The following CRACR2A variants were observed in gnomAD, a reference collection of about 807,000 sequenced individuals.
The protein encoded by CRACR2A is EF-hand calcium-binding domain-containing protein 4B.
A neutral mutation model predicts 90.5 loss-of-function variants in CRACR2A; 79 were observed. The observed-to-expected ratio is 0.87, with a 90% confidence interval of 0.73 to 1.05. CRACR2A has a LOEUF of 1.05. CRACR2A is among the 50% of genes least tolerant of loss of function. The probability of loss-of-function intolerance (pLI) is 0.00; values close to 1 mark genes in which losing one functional copy is unlikely to be tolerated. For synonymous variants in CRACR2A, 338 were observed against 356.7 expected (o/e 0.95, Z 0.59); for missense variants, 823 against 897.2 (o/e 0.92, Z 1.06).
chr12:3,684,418 T>C (rs1945516455), intron 4 of CRACR2A, among the ~76,000 whole-genome samples: 1 of 152,114 alleles, frequency 6.6e-6, no homozygotes, highest in Non-Finnish European at 1.5e-5. Context: ...CATTTTGGAA[T>C]GGACAATTTT....
intron 7 of CRACR2A, chr12:3,672,874 C>A (rs184311357): frequency 2.2e-6 from 2 of 907,434 alleles, no homozygotes; most frequent in South Asian, 5.0e-5. Flanking sequence ...GACATGAGGC[C>A]GTGACGGGAG....
At chr12:3,752,358 ACACACACACACAGACACACACACACACGG>A (rs1946721553) in intron 1 of CRACR2A, among the ~76,000 whole-genome samples, 1 of 31,030 alleles carries the variant, frequency 3.2e-5, no homozygotes, top group South Asian at 1.5e-3. Context: ...ACACACACGG[ACACACACACACAGACACACACACACACGG>A]ACACACACAC....
intron 4 of CRACR2A, among the ~76,000 whole-genome samples, chr12:3,692,037 T>C (rs796393568): frequency 4.8e-4 from 73 of 152,362 alleles, no homozygotes; most frequent in African/African-American, 1.6e-3. Flanking sequence ...ATTTTGTCTG[T>C]CAGCTGCTAT....
chr12:3,674,438 T>G (rs531712605), intron 6 of CRACR2A, among the ~76,000 whole-genome samples: 2 of 152,192 alleles, frequency 1.3e-5, no homozygotes, highest in African/African-American at 4.8e-5. Flanking sequence ...ACACACATGG[T>G]GGACCCTGTT....
At chr12:3,640,425 T>C (rs1944543405) in intron 13 of CRACR2A, 2 of 886,058 alleles carry the variant, frequency 2.3e-6, no homozygotes, top group Non-Finnish European at 3.0e-6. Flanking sequence ...AGATTAATGG[T>C]AGGACCTCAT....
At position 3,633,404 on chromosome 12, in the gene CRACR2A, G is replaced by A. The variant is rs1944407842; in HGVS notation, c.1735+200C>T. ...TCCCATCACACACAGGATGAGCTTAGCAGCTAGCAGCGTGAGGGGAGGTGG... is the reference window on the plus strand; with the variant it reads ...TCCCATCACACACAGGATGAGCTTAACAGCTAGCAGCGTGAGGGGAGGTGG... On this transcript the variant is annotated intron_variant, in intron 15 of 19. Transcript: ENST00000440314. The surrounding 1 kb of genome is among the most constrained non-coding windows in gnomAD (Gnocchi z 4.5). 6.6e-6 allele frequency among the ~76,000 whole-genome samples: 1 copy of A among 152,164 alleles called. No homozygotes were observed.
chr12:3,643,870 T>TTATATATTA (rs1944630332), intron 12 of CRACR2A, among the ~76,000 whole-genome samples: 1 of 44,904 alleles, frequency 2.2e-5, no homozygotes, highest in Non-Finnish European at 4.1e-5. Context: ...ATTATATATA[T>TTATATATTA]TATATATATT....
At chr12:3,663,342 A>G (rs1030857177) in intron 7 of CRACR2A, among the ~76,000 whole-genome samples, 1 of 152,078 alleles carries the variant, frequency 6.6e-6, no homozygotes, top group African/African-American at 2.4e-5. Context: ...AATTCTTGCG[A>G]CAATACCACG....
At chr12:3,745,825 T>TAAAATAAAATAAAAAATAAAG in intron 1 of CRACR2A, among the ~76,000 whole-genome samples, 1 of 100,534 alleles carries the variant, frequency 9.9e-6, no homozygotes, top group South Asian at 3.6e-4. Context: ...TAAAATAAAA[T>TAAAATAAAATAAAAAATAAAG]AAAGAAAGAA....
intron 1 of CRACR2A, 94 bp downstream of exon 1, chr12:3,752,921 G>A (rs1355534728): frequency 7.9e-5 from 12 of 152,388 alleles, no homozygotes; most frequent in Non-Finnish European, 1.6e-4. Flanking sequence ...ATGTGCGGCA[G>A]ACACGCGCTC....
chr12:3,617,059 G>C, intron 18 of CRACR2A, 29 bp from the exon 19 acceptor site: 1 of 1,512,582 alleles, frequency 6.6e-7, no homozygotes. Context: ...GCGAATACAA[G>C]AGTATTGGAG....
intron 1 of CRACR2A, among the ~76,000 whole-genome samples, chr12:3,750,028 C>T (rs1369395113): frequency 6.6e-6 from 1 of 151,872 alleles, no homozygotes; most frequent in African/African-American, 2.4e-5. Flanking sequence ...ACACCGCCTC[C>T]CGGGTTCAAC....
chr12:3,709,500 G>A (rs1392857460), intron 3 of CRACR2A, among the ~76,000 whole-genome samples: 3 of 152,220 alleles, frequency 2.0e-5, no homozygotes, highest in East Asian at 3.8e-4. Context: ...GTTTCTGGCT[G>A]GGCGCAGTGG....
Position 3,673,515 on chromosome 12 carries a change from A to C in CRACR2A, c.602T>G (p.Leu201Arg). 1 of 1,614,180 alleles carries C rather than the reference A, an allele frequency of 6.2e-7. No homozygotes were observed. The change falls in exon 7 of 20, where the codon CTG (leucine) becomes CGG (arginine). Residue 201 changes from leucine to arginine, a missense_variant. Transcript: ENST00000440314. Reference protein sequence around the residue: ...PHLLSNFEDFLTRIISQLQEA... With the variant: ...PHLLSNFEDFRTRIISQLQEA... ...TTGGAGCTGGGAGATGATTCTGGTC[A>C]GGAAGTCTTCAAAGTTGGACAGTAA...
At chr12:3,621,464 CA>C (rs2137279194) in intron 17 of CRACR2A, among the ~76,000 whole-genome samples, 1 of 148,628 alleles carries the variant, frequency 6.7e-6, no homozygotes, top group Admixed American at 6.7e-5. Context: ...CCAGCCTGGC[CA>C]AGATGGTGAA....
At chr12:3,722,268 C>T (rs942637246) in intron 2 of CRACR2A, among the ~76,000 whole-genome samples, 1 of 152,184 alleles carries the variant, frequency 6.6e-6, no homozygotes, top group African/African-American at 2.4e-5. Context: ...CAGGACCTGA[C>T]ATATTTTAGG....
At position 3,659,604 on chromosome 12, in the gene CRACR2A, T is replaced by C; in HGVS notation, c.722A>G (p.Glu241Gly). The C allele has an allele frequency of 1.2e-6, 2 of 1,614,200 alleles. No homozygotes were observed. Among genetic ancestry groups the C allele is most frequent in the Non-Finnish European group, 1.7e-6 (2 of 1,180,032 alleles). ...CTCCTTCTCACTTTTGATTTGTTGT[T>C]CCATCTCCTCATAGAGATGCTGGAT... ...EEIQHLYEEM[E>G]QQIKSEKEQF... is the part of the protein sequence containing the mutation. Residue 241 changes from glutamate (E) to glycine (G), a missense_variant, in exon 8 of 20, where the codon GAA (glutamate) becomes GGA (glycine). Physicochemically the swap from Glu to Gly is moderately conservative, Grantham distance 98. Coordinates refer to ENST00000440314, the MANE Select transcript of CRACR2A (RefSeq NM_001144958.2).
chr12:3,693,225 C>T (rs61908569), intron 4 of CRACR2A, among the ~76,000 whole-genome samples: 20,720 of 152,252 alleles, frequency 0.14, 1,589 homozygotes, highest in Admixed American at 0.22. Context: ...CATGGCCTTA[C>T]GGGCTGCCCT....
At chr12:3,752,357 GACAC>G (rs1308415282) in intron 1 of CRACR2A, among the ~76,000 whole-genome samples, 1 of 23,856 alleles carries the variant, frequency 4.2e-5, no homozygotes, top group African/African-American at 9.4e-5. Context: ...CACACACACG[GACAC>G]ACACACACAG....
Sources: gnomAD v4.1 joint callset for allele counts (sites outside exome capture counted in the v4.1 genomes callset) on GRCh38, gnomAD v4.1.1 for gene constraint, Gnocchi (gnomAD v3.1) non-coding constraint, MANE v1.5 for transcripts, NCBI Gene and HGNC (gene_info 2026-07-23, HGNC 2026-07-21) for gene names.